TCEANC2: variants seen among roughly 807,000 people sequenced by gnomAD.
TCEANC2 encodes the protein transcription elongation factor A N-terminal and central domain containing 2.
A neutral mutation model predicts 22.8 loss-of-function variants in TCEANC2; 20 were observed. That is an observed-to-expected ratio of 0.88 (90% CI 0.62 to 1.28). The LOEUF (loss-of-function observed/expected upper bound fraction) is 1.28. Ranked by LOEUF, TCEANC2 falls within the 50% of genes most tolerant of loss-of-function variation. TCEANC2 has a pLI of 0.00. For synonymous variants in TCEANC2, 84 were observed against 95.5 expected, an observed-to-expected ratio of 0.88 and a Z score of 0.70; for missense variants, 251 against 249.7, an observed-to-expected ratio of 1.01 and a Z score of -0.03.
chr1:54,078,841 AGT>A (rs982623277), intron 3 of TCEANC2, among the ~76,000 whole-genome samples: 2 of 152,182 alleles, frequency 1.3e-5, no homozygotes, highest in Non-Finnish European at 2.9e-5. Context: ...AGACTAAGGA[AGT>A]GTGGTTAGAC....
At chr1:54,086,326 A>T (rs890628559) in intron 3 of TCEANC2, among the ~76,000 whole-genome samples, 1 of 152,202 alleles carries the variant, frequency 6.6e-6, no homozygotes, top group African/African-American at 2.4e-5. Flanking sequence ...AATTACAACT[A>T]ACTCTAGTAA....
chr1:54,073,101 G>C (rs930593647), intron 3 of TCEANC2, among the ~76,000 whole-genome samples: 1 of 152,148 alleles, frequency 6.6e-6, no homozygotes, highest in African/African-American at 2.4e-5. Flanking sequence ...GAGTAGCTGG[G>C]ACTACAGGTA....
At chr1:54,072,660 G>T (rs960405309) in intron 3 of TCEANC2, among the ~76,000 whole-genome samples, 25 of 152,286 alleles carry the variant, frequency 1.6e-4, no homozygotes, top group Admixed American at 3.3e-4. Flanking sequence ...CTCCCAAAGT[G>T]CTGGGATTAC....
exon 5 of TCEANC2, chr1:54,111,454 A>G (rs1288228333): frequency 6.6e-6 from 1 of 152,176 alleles, no homozygotes. Flanking sequence ...ATTCATGCCT[A>G]AGGGTACTAC....
chr1:54,090,796 A>T (rs975750619), intron 4 of TCEANC2, among the ~76,000 whole-genome samples: 6 of 152,186 alleles, frequency 3.9e-5, no homozygotes, highest in Admixed American at 1.3e-4. Flanking sequence ...GCAGAAACAT[A>T]CAGTGTGGAT....
chr1:54,087,097 A>C (rs1423472225), intron 3 of TCEANC2, among the ~76,000 whole-genome samples: 1 of 152,224 alleles, frequency 6.6e-6, no homozygotes, highest in South Asian at 2.1e-4. Context: ...TTAAAAATAT[A>C]TCTGTCTTAT....
intron 3 of TCEANC2, among the ~76,000 whole-genome samples, chr1:54,084,210 G>A (rs1266906427): frequency 5.3e-5 from 8 of 151,860 alleles, no homozygotes; most frequent in Admixed American, 1.3e-4. Context: ...AGAGGGTTTC[G>A]CCATGTTGGC....
chr1:54,064,484 C>T lies in TCEANC2; in HGVS notation c.103-4272C>T, dbSNP rs563179680. ...TAGAGGCTTCCCGTTGGTTACTTGG[C>T]TTACACCCTAAGTAAATGAAGTAGT... On this transcript the variant is annotated intron_variant, in intron 2 of 4. Coordinates refer to ENST00000234827, the MANE Select transcript of TCEANC2 (RefSeq NM_153035.3). Among the ~76,000 whole-genome samples, 615 of 152,218 alleles carry T rather than the reference C, an allele frequency of 4.0e-3. 4 individuals are homozygous for T. The highest frequency in any genetic ancestry group is 0.014 in the African/African-American group (581 of 41,522).
Position 54,104,453 on chromosome 1 carries a change from A to G in TCEANC2, c.*7980A>G. On this transcript the variant is annotated 3_prime_UTR_variant, in exon 5 of 5. Coordinates refer to ENST00000234827, the MANE Select transcript of TCEANC2 (RefSeq NM_153035.3). ...AATCCTGATCATCAGGAGGAGGTAC[A>G]GCTGCTGTTAAGCAATGGAGGGAAG... 1.4e-5 allele frequency: 5 copies of G among 359,654 alleles called. No homozygotes were observed. The highest frequency in any genetic ancestry group is 1.1e-4 in the South Asian group (5 of 46,842). 22.3% of individuals were successfully genotyped at this position (359,654 alleles called of 1,614,324 possible). A position where few individuals can be genotyped will look rare whatever the true frequency, so the allele number is the denominator to read the frequency against.
chr1:54,094,743 G>A (rs1019185745), intron 4 of TCEANC2, among the ~76,000 whole-genome samples: 2 of 152,192 alleles, frequency 1.3e-5, no homozygotes, highest in Non-Finnish European at 2.9e-5. Context: ...TGAATGAGTG[G>A]CTAAGGTAGG....
chr1:54,064,246 A>G (rs1657908006), intron 2 of TCEANC2, among the ~76,000 whole-genome samples: 1 of 152,216 alleles, frequency 6.6e-6, no homozygotes, highest in Non-Finnish European at 1.5e-5. Flanking sequence ...AAGAGACCTT[A>G]AATATGTTTA....
chr1:54,097,770 T>G lies in TCEANC2; in HGVS notation c.*1297T>G, dbSNP rs1158539063. Reference sequence around the variant, plus strand: ...TCCATTCTGTGGGGTAGGTGTATACTGAGCAGTAGTTACAAATGGGAGCCT... The same window carrying G: ...TCCATTCTGTGGGGTAGGTGTATACGGAGCAGTAGTTACAAATGGGAGCCT... On this transcript the variant is annotated 3_prime_UTR_variant, in exon 5 of 5. Coordinates refer to ENST00000234827, the MANE Select transcript of TCEANC2 (RefSeq NM_153035.3). 1 of 152,230 alleles carries G rather than the reference T, an allele frequency of 6.6e-6. No individual in the cohort carries two copies. Among genetic ancestry groups the G allele is most frequent in the Non-Finnish European group, 1.5e-5 (1 of 68,042 alleles). 9.4% of individuals were successfully genotyped at this position (152,230 alleles called of 1,614,324 possible).
chr1:54,111,985 C>T (rs1658847543), exon 5 of TCEANC2: 1 of 152,196 alleles, frequency 6.6e-6, no homozygotes, highest in African/African-American at 2.4e-5. Flanking sequence ...TTCACTTTCT[C>T]TTCAGCTCCA....
At chr1:54,054,848 C>T (rs1285674591) in intron 2 of TCEANC2, among the ~76,000 whole-genome samples, 1 of 152,144 alleles carries the variant, frequency 6.6e-6, no homozygotes, top group Non-Finnish European at 1.5e-5. Context: ...ATATACCTAC[C>T]CTGTACAAAC....
At chr1:54,066,024 A>G (rs905900622) in intron 2 of TCEANC2, among the ~76,000 whole-genome samples, 1 of 151,060 alleles carries the variant, frequency 6.6e-6, no homozygotes, top group East Asian at 2.0e-4. Context: ...CGGAGGTTGC[A>G]GTGAGCCGAG....
intron 4 of TCEANC2, among the ~76,000 whole-genome samples, chr1:54,090,752 A>G (rs184640027): frequency 3.8e-3 from 578 of 152,294 alleles, no homozygotes; most frequent in South Asian, 6.2e-3. Context: ...TTTATTTTAA[A>G]TAAAGTTTAG....
chr1:54,084,642 AC>A (rs1658304101), intron 3 of TCEANC2, among the ~76,000 whole-genome samples: 1 of 152,068 alleles, frequency 6.6e-6, no homozygotes, highest in Non-Finnish European at 1.5e-5. Context: ...CGGGTGGACC[AC>A]CTGAGGTCAG....
In TCEANC2 at chr1:54,101,167, G is replaced by C. The variant is rs1168594008; in HGVS notation, c.*4694G>C. Reference sequence around the variant, plus strand: ...TGGTTTTCTTTTGCTGTAGCCTCAGGCCTCAGAACCTTACTCTGAGATTGG... The same window carrying C: ...TGGTTTTCTTTTGCTGTAGCCTCAGCCCTCAGAACCTTACTCTGAGATTGG... On this transcript the variant is annotated 3_prime_UTR_variant, in exon 5 of 5. Coordinates refer to ENST00000234827, the MANE Select transcript of TCEANC2 (RefSeq NM_153035.3). 6.6e-6 allele frequency: 1 copy of C among 152,142 alleles called. No homozygotes were observed. Among genetic ancestry groups the C allele is most frequent in the Non-Finnish European group, 1.5e-5 (1 of 68,032 alleles). The allele number at this position is 152,142 out of a possible 1,614,324, so 9.4% of individuals were successfully genotyped here.
intron 3 of TCEANC2, among the ~76,000 whole-genome samples, chr1:54,074,996 A>G (rs1249759431): frequency 6.6e-6 from 1 of 152,230 alleles, no homozygotes; most frequent in Non-Finnish European, 1.5e-5. Context: ...AAGTTAGTGT[A>G]GGAGAATAAT....
Sources: gnomAD v4.1 joint callset for allele counts (sites outside exome capture counted in the v4.1 genomes callset) on GRCh38, gnomAD v4.1.1 for gene constraint, MANE v1.5 for transcripts, NCBI Gene and HGNC (gene_info 2026-07-23, HGNC 2026-07-21) for gene names.